Variants in TOR1AIP2 observed in about 807,000 individuals in gnomAD.
The protein encoded by TOR1AIP2 is torsin-1A-interacting protein 2.
A neutral mutation model predicts 32.6 loss-of-function variants in TOR1AIP2; 20 were observed. That is an observed-to-expected ratio of 0.61 (90% CI 0.43 to 0.89). The LOEUF is 0.89. TOR1AIP2 is among the 40% of genes least tolerant of loss of function. The pLI is 0.00. For missense variants in TOR1AIP2, 456 were observed against 553.8 expected (o/e 0.82, Z 1.77); for synonymous variants, 214 against 210.8 (o/e 1.02, Z -0.13).
In TOR1AIP2 at chr1:179,846,160, T is replaced by A. The variant is rs778747482; in HGVS notation, c.1324A>T (p.Lys442Ter). The A allele has an allele frequency of 5.6e-6, 9 of 1,614,100 alleles. No individual in the cohort carries two copies. The highest frequency in any genetic ancestry group is 7.6e-6 in the Non-Finnish European group (9 of 1,180,052). ...PTSFNHMDSD[K>*]LSGLWSRISH... ...ATTCGGCTCCACAGCCCACTCAATT[T>A]GTCTGAGTCCATGTGGTTGAAGGAG... Residue 442 changes from lysine to a stop codon, truncating the protein, a stop_gained, in exon 7 of 7, where the codon AAA becomes TAA. Transcript: ENST00000609928. LOFTEE classifies it high-confidence loss of function.
At position 179,845,308 on chromosome 1, in the gene TOR1AIP2, C is replaced by T. The variant is rs2148420336; in HGVS notation, c.*763G>A. On this transcript the variant is annotated 3_prime_UTR_variant, in exon 7 of 7. Coordinates refer to ENST00000609928, the MANE Select transcript of TOR1AIP2 (RefSeq NM_001199260.2). The stretch of plus-strand genomic sequence containing the variant: ...CAAAGGGGAAGGGTGCCAGTAGACA[C>T]AGTTTGAAAATCAATGCTGTAAATT... 6.6e-6 allele frequency: 1 copy of T among 152,258 alleles called. No individual in the cohort carries two copies. Among genetic ancestry groups the T allele is most frequent in the South Asian group, 2.1e-4 (1 of 4,826 alleles). The allele number at this position is 152,258 out of a possible 1,614,324, so 9.4% of individuals were successfully genotyped here. A position where few individuals can be genotyped will look rare whatever the true frequency, so the allele number is the denominator to read the frequency against.
rs150384808 is a variant in TOR1AIP2 at position 179,871,798 on chromosome 1, T to C, written c.-566+5441A>G. On this transcript the variant is annotated intron_variant, in intron 2 of 6. Transcript: ENST00000609928. ...GAGATGGTTTCTCCAATAAGTTTCATACACAAAGTGAAATCTTAAGAGTTT... is the reference window on the plus strand; with the variant it reads ...GAGATGGTTTCTCCAATAAGTTTCACACACAAAGTGAAATCTTAAGAGTTT... Among the ~76,000 whole-genome samples, 15 of 152,342 alleles carry C rather than the reference T, an allele frequency of 9.8e-5. No homozygotes were observed. In the East Asian group the frequency reaches 2.9e-3, roughly 29 times the overall value.
Position 179,846,286 on chromosome 1 carries a change from G to C in TOR1AIP2, c.1198C>G (p.Leu400Val). Residue 400 changes from leucine to valine, a missense_variant, in exon 7 of 7, where the codon CTA becomes GTA. Coordinates refer to ENST00000609928, the MANE Select transcript of TOR1AIP2 (RefSeq NM_001199260.2). ...KDVALVLTVL[L>V]EEETLEASVG... The stretch of plus-strand genomic sequence containing the variant: ...CTTGCTTCTAATGTTTCCTCCTCTA[G>C]CAGAACAGTCAGGACCAGGGCCACA... 2 of 1,614,168 alleles carry C rather than the reference G, an allele frequency of 1.2e-6. No individual in the cohort carries two copies. The highest frequency in any genetic ancestry group is 1.7e-6 in the Non-Finnish European group (2 of 1,180,028).
intron 2 of TOR1AIP2, among the ~76,000 whole-genome samples, chr1:179,867,081 T>C (rs1033307617): frequency 1.3e-5 from 2 of 152,180 alleles, no homozygotes; most frequent in African/African-American, 4.8e-5. Flanking sequence ...GAAGGAATTA[T>C]AGCCTTAGTT....
chr1:179,852,986 A>G (rs1696173019), intron 3 of TOR1AIP2, among the ~76,000 whole-genome samples, 175 bp from the exon 4 acceptor site: 1 of 152,222 alleles, frequency 6.6e-6, no homozygotes, highest in Non-Finnish European at 1.5e-5. Flanking sequence ...GACTACTGAA[A>G]AAAGCTCCAG....
rs1466940335 is a variant in TOR1AIP2 at position 179,845,564 on chromosome 1, T to A, written c.*507A>T. ...ACTACTCAAAACTGCAAAATTAATA[T>A]AAGATATAATCCCGTAACTTTAGAT... is the stretch of plus-strand genomic sequence containing the variant. On this transcript the variant is annotated 3_prime_UTR_variant, in exon 7 of 7. Coordinates refer to ENST00000609928, the MANE Select transcript of TOR1AIP2 (RefSeq NM_001199260.2). The A allele has an allele frequency of 2.0e-5, 3 of 152,638 alleles. No homozygotes were observed. Among genetic ancestry groups the A allele is most frequent in the African/African-American group, 7.2e-5 (3 of 41,462 alleles). The allele number at this position is 152,638 out of a possible 1,614,324, so 9.5% of individuals were successfully genotyped here.
intron 3 of TOR1AIP2, chr1:179,861,769 A>G (rs1038646422): frequency 3.0e-6 from 3 of 985,324 alleles, no homozygotes; most frequent in East Asian, 1.1e-4. Flanking sequence ...CCAGATAAGT[A>G]AACACTATGG....
chr1:179,862,707 C>A (rs1696592442), intron 3 of TOR1AIP2: 4 of 947,388 alleles, frequency 4.2e-6, no homozygotes, highest in Non-Finnish European at 5.0e-6. Context: ...GCAGGTGGAT[C>A]ATCTGAGGTC....
At chr1:179,870,507 A>G (rs1696974547) in intron 2 of TOR1AIP2, among the ~76,000 whole-genome samples, 1 of 152,192 alleles carries the variant, frequency 6.6e-6, no homozygotes, top group African/African-American at 2.4e-5. Context: ...ACCATTAGGC[A>G]CTATGGTTCC....
rs2148414781 is a variant in TOR1AIP2 at position 179,840,895 on chromosome 1, A to AATAATAATAAT, written c.*5165_*5175dup. On this transcript the variant is annotated 3_prime_UTR_variant, in exon 7 of 7. Transcript: ENST00000609928. ...TGTATCCCAGAACTTAAACTATAATAATAATAATAATAATAATAATAAAGA... is the reference window on the plus strand; with the variant it reads ...TGTATCCCAGAACTTAAACTATAATAATAATAATAATATAATAATAATAATAATAATAAAGA... 7.6e-6 allele frequency: 1 copy of AATAATAATAAT among 132,448 alleles called. No homozygotes were observed. The highest frequency in any genetic ancestry group is 2.5e-5 in the African/African-American group (1 of 39,354). The allele number at this position is 132,448 out of a possible 1,614,324, so 8.2% of individuals were successfully genotyped here.
chr1:179,850,957 A>G lies in TOR1AIP2; in HGVS notation c.441T>C (p.Thr147=). 6.2e-7 allele frequency: 1 copy of G among 1,614,200 alleles called. No individual in the cohort carries two copies. Among genetic ancestry groups the G allele is most frequent in the South Asian group, 1.1e-5 (1 of 91,086 alleles). The change falls in exon 5 of 7, where the codon ACT becomes ACC. Residue 147 remains threonine, a synonymous_variant. Transcript: ENST00000609928. ...TAGTAGGTGGTTCCTGAGATGCTCC[A>G]GTTCCGTCACTCGCTTCCTTAGGGA... is the stretch of plus-strand genomic sequence containing the variant. The part of the protein sequence containing the change: ...VALPKEASDG[T]GASQEPPTTD...
chr1:179,862,931 A>C (rs1696606175), intron 3 of TOR1AIP2: 1 of 152,406 alleles, frequency 6.6e-6, no homozygotes, highest in Admixed American at 6.6e-5. Context: ...CCGTCAAAAA[A>C]AAAAAAAAAA....
intron 3 of TOR1AIP2, among the ~76,000 whole-genome samples, chr1:179,853,492 CTTTT>C (rs923382520): frequency 6.7e-6 from 1 of 148,872 alleles, no homozygotes; most frequent in Non-Finnish European, 1.5e-5. Context: ...TTTTATAGTT[CTTTT>C]TTTTGTCAAA....
In TOR1AIP2 at chr1:179,845,256, A is replaced by G. The variant is rs1027508180; in HGVS notation, c.*815T>C. ...CTCATAGAGAACCCCAACATATAAA[A>G]CAGTTAAAAGCAGAACTGCTCTGAT... On this transcript the variant is annotated 3_prime_UTR_variant, in exon 7 of 7. Transcript: ENST00000609928. 2 of 152,206 alleles carry G rather than the reference A, an allele frequency of 1.3e-5. No homozygotes were observed. The highest frequency in any genetic ancestry group is 4.8e-5 in the African/African-American group (2 of 41,452). 9.4% of individuals were successfully genotyped at this position (152,206 alleles called of 1,614,324 possible).
chr1:179,870,444 C>T (rs1265162012), intron 2 of TOR1AIP2, among the ~76,000 whole-genome samples: 1 of 151,696 alleles, frequency 6.6e-6, no homozygotes, highest in Admixed American at 6.6e-5. Flanking sequence ...CATTTTTTTC[C>T]AAAAAGATGG....
intron 6 of TOR1AIP2, among the ~76,000 whole-genome samples, chr1:179,847,207 AT>A (rs1406642831): frequency 6.6e-6 from 1 of 152,130 alleles, no homozygotes; most frequent in Admixed American, 6.6e-5. Flanking sequence ...ATAGCCGACC[AT>A]TTTTTTAGGA....
At chr1:179,851,394 G>A (rs763048338) in intron 4 of TOR1AIP2, 31 bp from the exon 5 acceptor site, 10 of 1,432,172 alleles carry the variant, frequency 7.0e-6, no homozygotes, top group Non-Finnish European at 9.2e-6. Flanking sequence ...AATTTTTATT[G>A]GAAAAAATTC....
Position 179,843,063 on chromosome 1 carries a change from A to AG in TOR1AIP2, c.*3007_*3008insC, listed in dbSNP as rs1413023889. The AG allele has an allele frequency of 6.6e-6, 1 of 151,512 alleles. No individual in the cohort carries two copies. The highest frequency in any genetic ancestry group is 1.9e-4 in the East Asian group (1 of 5,178). The allele number at this position is 151,512 out of a possible 1,614,324, so 9.4% of individuals were successfully genotyped here. A position where few individuals can be genotyped will look rare whatever the true frequency, so the allele number is the denominator to read the frequency against. ...GACTCCATCTCAAAAAAAAAAAAAA[A>AG]AAAAAAAGTATAGAACAAATAGAAA... On this transcript the variant is annotated 3_prime_UTR_variant, in exon 7 of 7. Coordinates refer to ENST00000609928, the MANE Select transcript of TOR1AIP2 (RefSeq NM_001199260.2).
intron 3 of TOR1AIP2, among the ~76,000 whole-genome samples, chr1:179,854,695 A>G (rs933945250): frequency 6.6e-6 from 1 of 152,098 alleles, no homozygotes; most frequent in Non-Finnish European, 1.5e-5. Flanking sequence ...ACATGCTGAA[A>G]CCCCATCTCT....
Sources: gnomAD v4.1 joint callset for allele counts (sites outside exome capture counted in the v4.1 genomes callset) on GRCh38, gnomAD v4.1.1 for gene constraint, MANE v1.5 for transcripts, NCBI Gene and HGNC (gene_info 2026-07-23, HGNC 2026-07-21) for gene names.